The following INTS7 variants were observed in gnomAD, a reference collection of about 807,000 sequenced individuals.
The protein encoded by INTS7 is chromosome 1 open reading frame 73.
A neutral mutation model predicts 109.2 loss-of-function variants in INTS7; 46 were observed. The observed-to-expected ratio is 0.42, with a 90% confidence interval of 0.33 to 0.54. INTS7 has a LOEUF of 0.54. Ranked by LOEUF, INTS7 falls within the 20% of genes least tolerant of loss-of-function variation. The probability of loss-of-function intolerance (pLI) is 0.07; values close to 1 mark genes in which losing one functional copy is unlikely to be tolerated. For missense variants in INTS7, 929 were observed against 1,132.4 expected, an observed-to-expected ratio of 0.82 and a Z score of 2.58; for synonymous variants, 412 against 402.9, an observed-to-expected ratio of 1.02 and a Z score of -0.27.
intron 5 of INTS7, among the ~76,000 whole-genome samples, chr1:212,010,382 T>C (rs542361837): frequency 6.6e-6 from 1 of 152,128 alleles, no homozygotes; most frequent in South Asian, 2.1e-4. Flanking sequence ...ACATGACTTA[T>C]GGTATAAGAG....
intron 1 of INTS7, chr1:212,025,690 G>GA (rs78348028): frequency 0.39 from 56,498 of 144,714 alleles, 12,279 homozygotes; most frequent in Non-Finnish European, 0.49. Flanking sequence ...GCTGTACCAG[G>GA]AAAAAAAAAA....
At chr1:211,944,555 T>C (rs1432325551) in intron 19 of INTS7, among the ~76,000 whole-genome samples, 1 of 152,206 alleles carries the variant, frequency 6.6e-6, no homozygotes, top group Admixed American at 6.5e-5. Flanking sequence ...GTAATAAAAC[T>C]CATATTTTGA....
chr1:211,957,911 CT>C (rs756915328), intron 16 of INTS7, among the ~76,000 whole-genome samples: 12 of 151,852 alleles, frequency 7.9e-5, no homozygotes, highest in Non-Finnish European at 1.6e-4. Context: ...AATATTCACC[CT>C]CAGTTTATCA....
rs1446359707 is a variant in INTS7, at chr1:211,974,306, T to A, written c.1815+860A>T. ...ATATATATATATATATATATATATA[T>A]ATAAAATACTTCAAAATATATGTGC... On this transcript the variant is annotated intron_variant, in intron 13 of 19. Coordinates refer to ENST00000366994, the MANE Select transcript of INTS7 (RefSeq NM_015434.4). Among the ~76,000 whole-genome samples, 8 of 145,104 alleles carry A rather than the reference T, an allele frequency of 5.5e-5. No individual in the cohort carries two copies. The South Asian group carries it at 1.1e-3, about 20-fold the overall frequency.
chr1:211,976,188 AC>A (rs1191501391), intron 12 of INTS7, among the ~76,000 whole-genome samples: 2 of 152,222 alleles, frequency 1.3e-5, no homozygotes, highest in Non-Finnish European at 2.9e-5. Context: ...TGAGAAGAGT[AC>A]AGCATACTAA....
chr1:211,975,354 T>G lies in INTS7; in HGVS notation c.1627A>C (p.Lys543Gln). The G allele has an allele frequency of 6.2e-7, 1 of 1,613,948 alleles. No homozygotes were observed. The highest frequency in any genetic ancestry group is 1.3e-5 in the African/African-American group (1 of 75,022). The change falls in exon 13 of 20, where the codon AAA (lysine) becomes CAA (glutamine). Residue 543 changes from lysine (K) to glutamine (Q), a missense_variant. Physicochemically the swap from Lys to Gln is moderately conservative, Grantham distance 53 (BLOSUM62 1). Around this residue, in one of 2 missense-constraint regions of INTS7, gnomAD observed 787 missense variants for 901.1 expected, o/e 0.87. Transcript: ENST00000366994. ...ASRMGNHDMA[K>Q]ELYQSLLTQV... ...GTCAGCAAACTCTGATAAAGCTCTT[T>G]GGCCATGTCATGATTACCCTAAAAA...
chr1:211,976,464 G>T (rs1428802696), intron 12 of INTS7, 118 bp downstream of exon 12: 1 of 868,740 alleles, frequency 1.2e-6, no homozygotes, highest in Non-Finnish European at 1.7e-6. Flanking sequence ...CAGAACCCAT[G>T]ACTAAAAGGT....
At position 212,028,659 on chromosome 1, in the gene INTS7, G is replaced by A. The variant is rs147203861; in HGVS notation, c.94+6685C>T. On this transcript the variant is annotated intron_variant, in intron 1 of 19. Coordinates refer to ENST00000366994, the MANE Select transcript of INTS7 (RefSeq NM_015434.4). ...TAAAACAGGTACAGAAATGTAGAGA[G>A]GTGAAATACCGAGGTCTGAATGAAA... is the stretch of plus-strand genomic sequence containing the variant. Among the ~76,000 whole-genome samples, 8 of 152,276 alleles carry A rather than the reference G, an allele frequency of 5.3e-5. No individual in the cohort carries two copies. In the East Asian group the frequency reaches 1.5e-3, roughly 29 times the overall value.
chr1:212,000,687 C>T (rs115390521), intron 7 of INTS7, among the ~76,000 whole-genome samples: 3,098 of 152,226 alleles, frequency 0.02, 32 homozygotes, highest in African/African-American at 0.027. Context: ...TCTTTAAAAC[C>T]TTTCTCTTTG....
At chr1:212,002,693 G>C (rs1452085343) in intron 7 of INTS7, among the ~76,000 whole-genome samples, 2 of 152,170 alleles carry the variant, frequency 1.3e-5, no homozygotes, top group Non-Finnish European at 2.9e-5. Context: ...TCCCTAACCA[G>C]CCTACTTAAA....
chr1:211,983,727 AATAGAC>A (rs1319982682), intron 8 of INTS7, among the ~76,000 whole-genome samples: 1 of 152,238 alleles, frequency 6.6e-6, no homozygotes, highest in Non-Finnish European at 1.5e-5. Flanking sequence ...TAAGAATTAC[AATAGAC>A]ATAAACCATG....
intron 3 of INTS7, among the ~76,000 whole-genome samples, 177 bp downstream of exon 3, chr1:212,019,945 G>T (rs1666617850): frequency 6.6e-6 from 1 of 151,864 alleles, no homozygotes; most frequent in South Asian, 2.1e-4. Context: ...TAACACAGAT[G>T]TTAACTAAAA....
chr1:212,029,664 T>G (rs1667068455), intron 1 of INTS7, among the ~76,000 whole-genome samples: 1 of 152,216 alleles, frequency 6.6e-6, no homozygotes, highest in Non-Finnish European at 1.5e-5. Flanking sequence ...TAACATCCAC[T>G]ACAAAGAACA....
chr1:211,955,431 T>C (rs1274093262), intron 16 of INTS7, among the ~76,000 whole-genome samples: 1 of 152,212 alleles, frequency 6.6e-6, no homozygotes, highest in African/African-American at 2.4e-5. Flanking sequence ...CAACACTATG[T>C]TGAATAGGAG....
chr1:211,947,969 T>C (rs1448736961), intron 17 of INTS7, among the ~76,000 whole-genome samples: 2 of 152,208 alleles, frequency 1.3e-5, no homozygotes, highest in Non-Finnish European at 2.9e-5. Flanking sequence ...ATTACTGAAG[T>C]TAGGCAAACT....
intron 7 of INTS7, among the ~76,000 whole-genome samples, chr1:211,994,814 C>A: frequency 6.7e-6 from 1 of 149,552 alleles, no homozygotes. Flanking sequence ...ACACAAAAAT[C>A]CATAAGAAAC....
At chr1:212,026,907 C>T (rs1158615156) in intron 1 of INTS7, among the ~76,000 whole-genome samples, 1 of 152,176 alleles carries the variant, frequency 6.6e-6, no homozygotes, top group East Asian at 1.9e-4. Context: ...AAAAACAGAA[C>T]CAAAGACCAT....
rs552191977 is a variant in INTS7 at position 211,957,728 on chromosome 1, T to C, written c.2184-5027A>G. Among the ~76,000 whole-genome samples the C allele has an allele frequency of 5.1e-3, 771 of 152,288 alleles. 9 individuals carry two copies. The highest frequency in any genetic ancestry group is 0.013 in the Admixed American group (204 of 15,304). ...AAAAGTTTAAATCCAATTCAGCAAATTTTTCTCTTATGGTAACTGCTGTTT... is the reference window on the plus strand; with the variant it reads ...AAAAGTTTAAATCCAATTCAGCAAACTTTTCTCTTATGGTAACTGCTGTTT... On this transcript the variant is annotated intron_variant, in intron 16 of 19. Coordinates refer to ENST00000366994, the MANE Select transcript of INTS7 (RefSeq NM_015434.4).
chr1:211,969,494 T>C (rs1664066109), intron 13 of INTS7, among the ~76,000 whole-genome samples: 1 of 151,486 alleles, frequency 6.6e-6, no homozygotes, highest in South Asian at 2.1e-4. Context: ...AAAATGGACA[T>C]TGCCTCAAAG....
Sources: gnomAD v4.1 joint callset for allele counts (sites outside exome capture counted in the v4.1 genomes callset) on GRCh38, gnomAD v4.1.1 for gene constraint, gnomAD v4.1.1 regional missense constraint, MANE v1.5 for transcripts, NCBI Gene and HGNC (gene_info 2026-07-23, HGNC 2026-07-21) for gene names.